Variants in RBM26 observed in about 807,000 individuals in gnomAD.
RBM26 encodes RNA-binding protein 26.
RBM26 carries 30 observed loss-of-function variants against 123.6 expected under a neutral mutation model. The ratio of observed to expected loss-of-function variants is 0.24; its 90% CI spans 0.18 to 0.33. RBM26 has a LOEUF of 0.33. RBM26 is among the 10% of genes least tolerant of loss of function. The pLI is 1.00. For missense variants in RBM26, 947 were observed against 1,203.6 expected, an observed-to-expected ratio of 0.79 and a Z score of 3.15; for synonymous variants, 400 against 404.4, an observed-to-expected ratio of 0.99 and a Z score of 0.13.
At chr13:79,373,465 TATG>T (rs2076283677) in intron 3 of RBM26, among the ~76,000 whole-genome samples, 2 of 1,170 alleles carry the variant, frequency 1.7e-3, no homozygotes, top group Non-Finnish European at 4.6e-3. Context: ...ATATATATAA[TATG>T]TATAAATATA....
chr13:79,397,680 C>CAAAAAAAAAAAAAAAAAA (rs561587209), intron 1 of RBM26, among the ~76,000 whole-genome samples: 1 of 63,258 alleles, frequency 1.6e-5, no homozygotes, highest in Non-Finnish European at 2.7e-5. Context: ...GACTCCATCT[C>CAAAAAAAAAAAAAAAAAA]AAAAAAAAAA....
At chr13:79,405,377 T>C (rs1308080262) in intron 1 of RBM26, among the ~76,000 whole-genome samples, 1 of 152,112 alleles carries the variant, frequency 6.6e-6, no homozygotes, top group Non-Finnish European at 1.5e-5. Flanking sequence ...CAAGGTAAAA[T>C]AATCTGTAGG....
At position 79,361,550 on chromosome 13, in the gene RBM26, C is replaced by T. The variant is rs761895502; in HGVS notation, c.1418-1864G>A. Among the ~76,000 whole-genome samples the T allele has an allele frequency of 5.4e-4, 82 of 152,272 alleles. No homozygotes were observed. In the Middle Eastern group the frequency reaches 0.01, roughly 19 times the overall value. On this transcript the variant is annotated intron_variant, in intron 9 of 21. Coordinates refer to ENST00000438737, the MANE Select transcript of RBM26 (RefSeq NM_001366735.2). Reference sequence around the variant, plus strand: ...TCACTTTACTTGCTCGTGCTAAAATCACTCATGTCCTCACCTGTTGCTTAA... The same window carrying T: ...TCACTTTACTTGCTCGTGCTAAAATTACTCATGTCCTCACCTGTTGCTTAA...
At chr13:79,354,621 A>G (rs934903292) in intron 12 of RBM26, 51 bp from the exon 13 acceptor site, 2 of 1,490,584 alleles carry the variant, frequency 1.3e-6, no homozygotes, top group Non-Finnish European at 1.8e-6. Context: ...AAAAGGATGG[A>G]AAGTGACCTG....
At chr13:79,323,389 TAA>T (rs1424262972) in intron 20 of RBM26, among the ~76,000 whole-genome samples, 2 of 151,628 alleles carry the variant, frequency 1.3e-5, no homozygotes, top group South Asian at 4.1e-4. Context: ...CCTGCACATA[TAA>T]ATTTATGATA....
At chr13:79,358,755 T>C (rs1458708100) in intron 10 of RBM26, among the ~76,000 whole-genome samples, 1 of 152,222 alleles carries the variant, frequency 6.6e-6, no homozygotes, top group Non-Finnish European at 1.5e-5. Context: ...ATATAACCTT[T>C]ATTCTGATTC....
At position 79,405,859 on chromosome 13, in the gene RBM26, C is replaced by G. The variant is rs1225290524; in HGVS notation, c.-85G>C. Reference sequence around the variant, plus strand: ...CCGCCGCTGCCCCCGCCCCCTCCTCCGCGCGCCGCCCGCGTGGGCCGCGGT... The same window carrying G: ...CCGCCGCTGCCCCCGCCCCCTCCTCGGCGCGCCGCCCGCGTGGGCCGCGGT... On this transcript the variant is annotated 5_prime_UTR_variant, in exon 1 of 22. Coordinates refer to ENST00000438737, the MANE Select transcript of RBM26 (RefSeq NM_001366735.2). 5 of 797,280 alleles carry G rather than the reference C, an allele frequency of 6.3e-6. No homozygotes were observed. The allele number at this position is 797,280 out of a possible 1,614,324, so 49.4% of individuals were successfully genotyped here. A position where few individuals can be genotyped will look rare whatever the true frequency, so the allele number is the denominator to read the frequency against.
rs188958077 is a variant in RBM26, at chr13:79,337,132, G to A, written c.2703C>T (p.Ser901=). ...RALEISAFTE[S]DREDLLPHFA... ...AATGAGGAAGAAGATCTTCTCTATC[G>A]CTCTCCGTAAATGCAGAAATCTCCA... Residue 901 remains serine, a synonymous_variant, in exon 19 of 22, where the codon AGC becomes AGT. Coordinates refer to ENST00000438737, the MANE Select transcript of RBM26 (RefSeq NM_001366735.2). 186 of 1,613,878 alleles carry A rather than the reference G, an allele frequency of 1.2e-4. No homozygotes were observed. Among genetic ancestry groups the A allele is most frequent in the Middle Eastern group, 1.6e-4 (1 of 6,062 alleles).
In RBM26 at chr13:79,368,963, T is replaced by C. The variant is rs2075603965; in HGVS notation, c.662A>G (p.Asp221Gly). The C allele has an allele frequency of 6.2e-7, 1 of 1,610,182 alleles. No homozygotes were observed. Among genetic ancestry groups the C allele is most frequent in the Non-Finnish European group, 8.5e-7 (1 of 1,176,928 alleles). The change falls in exon 6 of 22, where the codon GAC (aspartate) becomes GGC (glycine). Residue 221 changes from aspartate to glycine, a missense_variant. Physicochemically the swap from Asp to Gly is moderately conservative, Grantham distance 94 (BLOSUM62 -1). Coordinates refer to ENST00000438737, the MANE Select transcript of RBM26 (RefSeq NM_001366735.2). ...RERDLVKPKY[D>G]LDRTDPLENN... Reference sequence around the variant, plus strand: ...TTCTAATGGATCTGTTCTATCCAGGTCATATTTAGGTTTTACCAGATCCCT... The same window carrying C: ...TTCTAATGGATCTGTTCTATCCAGGCCATATTTAGGTTTTACCAGATCCCT...
chr13:79,371,487 A>C (rs1004078081), intron 4 of RBM26, among the ~76,000 whole-genome samples: 28 of 152,162 alleles, frequency 1.8e-4, no homozygotes, highest in Admixed American at 1.2e-3. Context: ...GACATGTATC[A>C]CATGCATTGT....
In RBM26 at chr13:79,372,930, TAA is replaced by T. The variant is rs1487106303; in HGVS notation, c.328-1002_328-1001del. Among the ~76,000 whole-genome samples, 20 of 75,348 alleles carry T rather than the reference TAA, an allele frequency of 2.7e-4. 4 individuals carry two copies. Among genetic ancestry groups the T allele is most frequent in the African/African-American group, 1.1e-3 (20 of 17,686 alleles). The allele number at this position is 75,348 out of a possible 152,430, so 49.4% of individuals were successfully genotyped here. A position where few individuals can be genotyped will look rare whatever the true frequency, so the allele number is the denominator to read the frequency against. On this transcript the variant is annotated intron_variant, in intron 3 of 21. Transcript: ENST00000438737. Reference sequence around the variant, plus strand: ...TATATTACATATTTTATATAATATATAAGATATATCTTATATATTACATATTT... The same window carrying T: ...TATATTACATATTTTATATAATATATGATATATCTTATATATTACATATTT...
chr13:79,368,075 G>T (rs970114120), intron 6 of RBM26, among the ~76,000 whole-genome samples: 3 of 149,608 alleles, frequency 2.0e-5, no homozygotes, highest in Non-Finnish European at 3.0e-5. Context: ...ACCCGGGCTA[G>T]AGTGCAGTGG....
chr13:79,326,000 A>G (rs970675638), intron 20 of RBM26, among the ~76,000 whole-genome samples: 2 of 152,192 alleles, frequency 1.3e-5, no homozygotes, highest in African/African-American at 4.8e-5. Context: ...ACACAATGCC[A>G]GAGTTTCGTA....
At chr13:79,366,324 A>G in intron 7 of RBM26, 129 bp from the exon 8 acceptor site, 1 of 1,054,432 alleles carries the variant, frequency 9.5e-7, no homozygotes, top group East Asian at 2.6e-5. Flanking sequence ...TTACAACTGA[A>G]TTAGATATCC....
chr13:79,336,221 CCT>C, intron 19 of RBM26, among the ~76,000 whole-genome samples: 1 of 152,200 alleles, frequency 6.6e-6, no homozygotes, highest in African/African-American at 2.4e-5. Context: ...ATGAAACTTT[CCT>C]CTATTGTTCT....
intron 20 of RBM26, among the ~76,000 whole-genome samples, chr13:79,330,738 A>T (rs2069164391): frequency 6.6e-6 from 1 of 152,178 alleles, no homozygotes; most frequent in Admixed American, 6.5e-5. Flanking sequence ...AATATATATG[A>T]CCACACATTT....
At chr13:79,349,439 A>G (rs1335915104) in intron 14 of RBM26, among the ~76,000 whole-genome samples, 2 of 152,112 alleles carry the variant, frequency 1.3e-5, no homozygotes, top group Non-Finnish European at 2.9e-5. Context: ...AAGGGATTAA[A>G]AGAAACAAAG....
chr13:79,344,467 G>A (rs763615942), intron 15 of RBM26, 145 bp from the exon 16 acceptor site: 48 of 823,116 alleles, frequency 5.8e-5, no homozygotes, highest in Non-Finnish European at 8.4e-5. Flanking sequence ...AAATATGTAT[G>A]CAAGTTTCAA....
chr13:79,343,757 T>C (rs1385015129), intron 16 of RBM26, among the ~76,000 whole-genome samples: 1 of 151,954 alleles, frequency 6.6e-6, no homozygotes, highest in Non-Finnish European at 1.5e-5. Context: ...TCAACAATTA[T>C]TGTGATGTTT....
Sources: allele counts gnomAD v4.1 joint callset (sites outside exome capture counted in the v4.1 genomes callset), GRCh38; gene constraint gnomAD v4.1.1; transcripts MANE v1.5; gene names NCBI Gene and HGNC (gene_info 2026-07-23, HGNC 2026-07-21).